Variants in PSME4 observed in about 807,000 individuals in gnomAD.
The protein encoded by PSME4 is proteasome activator subunit 4, also known as proteasome activator complex subunit 4.
A neutral mutation model predicts 253.9 loss-of-function variants in PSME4; 89 were observed. The ratio of observed to expected loss-of-function variants is 0.35; its 90% CI spans 0.30 to 0.42. The LOEUF (loss-of-function observed/expected upper bound fraction) is 0.42, where lower values mean the gene tolerates loss of function less well. Among genes scored for constraint, PSME4 ranks in the 10% least tolerant of loss-of-function variants. The probability of loss-of-function intolerance (pLI) is 1.00; values close to 1 mark genes in which losing one functional copy is unlikely to be tolerated. For synonymous variants in PSME4, 851 were observed against 759.2 expected (o/e 1.12, Z -1.99); for missense variants, 2,014 against 2,195.2 (o/e 0.92, Z 1.65).
intron 1 of PSME4, among the ~76,000 whole-genome samples, chr2:53,961,375 G>A (rs1290431242): frequency 6.6e-5 from 10 of 151,990 alleles, no homozygotes; most frequent in Non-Finnish European, 2.9e-5. Context: ...TATTTGAAAA[G>A]GAGGGAAGAG....
intron 10 of PSME4, among the ~76,000 whole-genome samples, chr2:53,929,021 CG>C (rs1668695742): frequency 6.6e-6 from 1 of 151,952 alleles, no homozygotes; most frequent in South Asian, 2.1e-4. Flanking sequence ...CAAAAATTGG[CG>C]GGGTGTGGTG....
At chr2:53,964,862 A>G (rs142173571) in intron 1 of PSME4, among the ~76,000 whole-genome samples, 177 of 152,330 alleles carry the variant, frequency 1.2e-3, no homozygotes, top group African/African-American at 4.2e-3. Flanking sequence ...AACTGGGATA[A>G]TCAATCCACG....
In PSME4 at chr2:53,898,342, A is replaced by G. The variant is rs77708338; in HGVS notation, c.3435T>C (p.Asn1145=). 1.7e-3 allele frequency: 2,689 copies of G among 1,603,058 alleles called. 39 individuals carry two copies. In the African/African-American group the frequency reaches 0.032, roughly 19 times the overall value. ...KNADALRNYE[N]LVDTLLDGVE... ...CACCATCTAGCAAGGTGTCTACCAA[A>G]TTTTCATAGTTCCTTTAAAAAAAAG... The change falls in exon 30 of 47, where the codon AAT becomes AAC. Residue 1145 remains asparagine, a synonymous_variant. Transcript: ENST00000404125.
rs550652893 is a variant in PSME4 at position 53,966,830 on chromosome 2, G to C, written c.242+3713C>G. Among the ~76,000 whole-genome samples the C allele has an allele frequency of 3.1e-3, 476 of 152,178 alleles. 8 individuals are homozygous for C. The highest frequency in any genetic ancestry group is 3.2e-3 in the Non-Finnish European group (215 of 68,004). On this transcript the variant is annotated intron_variant, in intron 1 of 46. Coordinates refer to ENST00000404125, the MANE Select transcript of PSME4 (RefSeq NM_014614.3). ...TTCTCCTGCCTCAGCCTCCTGAGTA[G>C]CTGGGATTAAAGGCGTGCACCACCA...
chr2:53,909,881 G>C (rs902118711), intron 21 of PSME4, among the ~76,000 whole-genome samples, 194 bp downstream of exon 21: 1 of 152,112 alleles, frequency 6.6e-6, no homozygotes, highest in Admixed American at 6.6e-5. Context: ...AGAATCGTTT[G>C]AATCTGGGAG....
chr2:53,887,289 G>T lies in PSME4; in HGVS notation c.4699C>A (p.Arg1567=). 6.2e-7 allele frequency: 1 copy of T among 1,613,722 alleles called. No individual in the cohort carries two copies. The highest frequency in any genetic ancestry group is 8.5e-7 in the Non-Finnish European group (1 of 1,179,786). The change falls in exon 40 of 47, where the codon CGA becomes AGA. Residue 1567 remains arginine, a synonymous_variant. Coordinates refer to ENST00000404125, the MANE Select transcript of PSME4 (RefSeq NM_014614.3). ...EENGIGEEDE[R]TQGIKLLKTI... ...TTCAAGAGTTTAATGCCCTGAGTTCGCTCATCTTCTTCACCAATTCCATTT... is the reference window on the plus strand; with the variant it reads ...TTCAAGAGTTTAATGCCCTGAGTTCTCTCATCTTCTTCACCAATTCCATTT...
At chr2:53,871,720 G>C (rs879710242) in intron 43 of PSME4, among the ~76,000 whole-genome samples, 1 of 152,008 alleles carries the variant, frequency 6.6e-6, no homozygotes, top group Admixed American at 6.6e-5. Context: ...TTTTAAAGCC[G>C]GAGGTGGTGA....
intron 40 of PSME4, 38 bp downstream of exon 40, chr2:53,887,221 T>C (rs750630069): frequency 4.6e-6 from 7 of 1,525,118 alleles, no homozygotes; most frequent in South Asian, 2.3e-5. Context: ...ATCAAATAGA[T>C]GTTTTCAACT....
chr2:53,966,780 A>G (rs1002001563), intron 1 of PSME4, among the ~76,000 whole-genome samples: 1 of 151,824 alleles, frequency 6.6e-6, no homozygotes, highest in Non-Finnish European at 1.5e-5. Flanking sequence ...GCTCACTGCA[A>G]CCTCCACCTC....
intron 43 of PSME4, among the ~76,000 whole-genome samples, chr2:53,872,993 C>A (rs541208373): frequency 1.3e-5 from 2 of 151,808 alleles, no homozygotes; most frequent in Non-Finnish European, 2.9e-5. Flanking sequence ...GTAATCCCAG[C>A]ACTTTGGGAA....
At chr2:53,880,472 C>G (rs749342571) in intron 41 of PSME4, among the ~76,000 whole-genome samples, 5 of 152,132 alleles carry the variant, frequency 3.3e-5, no homozygotes, top group Admixed American at 6.5e-5. Context: ...AGCAATTTCA[C>G]ACCTAGGCAG....
intron 24 of PSME4, 168 bp downstream of exon 24, chr2:53,908,152 T>C: frequency 1.8e-6 from 1 of 558,196 alleles, no homozygotes. Flanking sequence ...TATTTTTTGC[T>C]AGGATCCATT....
intron 17 of PSME4, 107 bp downstream of exon 17, chr2:53,922,410 C>G: frequency 8.4e-7 from 1 of 1,193,232 alleles, no homozygotes; most frequent in South Asian, 1.3e-5. Flanking sequence ...ATTTCCAAAA[C>G]TCTGACTTTT....
intron 41 of PSME4, among the ~76,000 whole-genome samples, chr2:53,877,147 G>C (rs921851177): frequency 6.6e-6 from 1 of 151,632 alleles, no homozygotes. Flanking sequence ...ACATTCAGTA[G>C]GGGAAAGCTT....
At chr2:53,875,942 A>G (rs1679095506) in intron 41 of PSME4, among the ~76,000 whole-genome samples, 187 bp from the exon 42 acceptor site, 1 of 152,126 alleles carries the variant, frequency 6.6e-6, no homozygotes, top group Admixed American at 6.6e-5. Context: ...CAAACTCATA[A>G]TCTTTTGTTT....
At chr2:53,931,358 T>C (rs1478720668) in intron 10 of PSME4, among the ~76,000 whole-genome samples, 1 of 152,148 alleles carries the variant, frequency 6.6e-6, no homozygotes, top group African/African-American at 2.4e-5. Context: ...AGAGTTTTCC[T>C]TACCATTTCA....
intron 14 of PSME4, among the ~76,000 whole-genome samples, chr2:53,923,913 CAAAAAAAAAAAAAAAAA>C (rs199929436): frequency 0.087 from 8,470 of 97,222 alleles, 495 homozygotes; most frequent in East Asian, 0.34. Flanking sequence ...ACAGAGTTAA[CAAAAAAAAAAAAAAAAA>C]AAAAAAAAAA....
At chr2:53,946,551 C>G (rs1669712699) in intron 3 of PSME4, among the ~76,000 whole-genome samples, 2 of 152,158 alleles carry the variant, frequency 1.3e-5, no homozygotes, top group Admixed American at 1.3e-4. Context: ...AAATAACACC[C>G]AAAAGGAATA....
chr2:53,895,107 G>C, intron 33 of PSME4, 31 bp from the exon 34 acceptor site: 2 of 1,559,938 alleles, frequency 1.3e-6, no homozygotes, highest in Non-Finnish European at 1.7e-6. Context: ...TTTATCATAC[G>C]CATAGAAAAA....
Sources: gnomAD v4.1 joint callset for allele counts (sites outside exome capture counted in the v4.1 genomes callset) on GRCh38, gnomAD v4.1.1 for gene constraint, MANE v1.5 for transcripts, NCBI Gene and HGNC (gene_info 2026-07-23, HGNC 2026-07-21) for gene names.